LMNTD1: variants seen among roughly 807,000 people sequenced by gnomAD.
LMNTD1 encodes lamin tail domain containing 1, also known as lamin tail domain-containing protein 1.
LMNTD1 carries 35 observed loss-of-function variants against 50.9 expected under a neutral mutation model. That is an observed-to-expected ratio of 0.69 (90% confidence interval 0.53 to 0.91). The LOEUF (loss-of-function observed/expected upper bound fraction) is 0.91. Ranked by LOEUF, LMNTD1 falls within the 40% of genes least tolerant of loss-of-function variation. The pLI is 0.00. For missense variants in LMNTD1, 470 were observed against 475.5 expected (o/e 0.99, Z 0.11); for synonymous variants, 153 against 161.9 (o/e 0.94, Z 0.42).
At chr12:25,548,450 G>T (rs1303836588) in intron 3 of LMNTD1, among the ~76,000 whole-genome samples, 1 of 151,824 alleles carries the variant, frequency 6.6e-6, no homozygotes, top group Non-Finnish European at 1.5e-5. Flanking sequence ...TATTTTAAAA[G>T]AAGGTGCTTA....
intron 9 of LMNTD1, among the ~76,000 whole-genome samples, chr12:25,495,283 T>TGTGTGTGTG: frequency 1.3e-5 from 2 of 150,398 alleles, no homozygotes; most frequent in African/African-American, 2.5e-5. Context: ...TGTGTGTGTG[T>TGTGTGTGTG]AGGCAGGATA....
intron 1 of LMNTD1, among the ~76,000 whole-genome samples, chr12:25,618,425 T>C (rs771982925): frequency 6.6e-6 from 1 of 152,214 alleles, no homozygotes. Context: ...ATAGAAGAAT[T>C]TGATACTTGC....
chr12:25,498,352 AC>A (rs915689477), intron 9 of LMNTD1, among the ~76,000 whole-genome samples: 3 of 152,188 alleles, frequency 2.0e-5, no homozygotes, highest in Admixed American at 6.5e-5. Flanking sequence ...GAAAGGTGAG[AC>A]TTTTTTGGCA....
At chr12:25,531,260 A>G (rs146476869) in intron 4 of LMNTD1, among the ~76,000 whole-genome samples, 1 of 152,222 alleles carries the variant, frequency 6.6e-6, no homozygotes, top group African/African-American at 2.4e-5. Context: ...GGCCTAGAGA[A>G]CTATGTGTTA....
intron 1 of LMNTD1, among the ~76,000 whole-genome samples, chr12:25,618,153 G>T (rs1172945684): frequency 6.6e-6 from 1 of 152,064 alleles, no homozygotes; most frequent in African/African-American, 2.4e-5. Flanking sequence ...GTCTCTCTGT[G>T]GTTGTATGTG....
intron 1 of LMNTD1, among the ~76,000 whole-genome samples, chr12:25,611,917 T>C (rs1192227899): frequency 6.6e-6 from 1 of 152,232 alleles, no homozygotes; most frequent in African/African-American, 2.4e-5. Context: ...ACATTTCCTC[T>C]TTGGTTGCTT....
At chr12:25,538,898 A>T (rs1404708062) in intron 4 of LMNTD1, among the ~76,000 whole-genome samples, 1 of 138,734 alleles carries the variant, frequency 7.2e-6, no homozygotes, top group East Asian at 2.2e-4. Context: ...GCAAATGGAA[A>T]ACAAAAAAAG....
chr12:25,619,252 C>CTCTCTCTATATATATATATATATATA (rs1374134268), intron 1 of LMNTD1, among the ~76,000 whole-genome samples: 14 of 84,408 alleles, frequency 1.7e-4, no homozygotes, highest in East Asian at 4.2e-4. Context: ...CTCTCTCTCT[C>CTCTCTCTATATATATATATATATATA]TATATATATA....
chr12:25,539,415 G>C (rs924747670), intron 4 of LMNTD1, among the ~76,000 whole-genome samples: 1 of 151,650 alleles, frequency 6.6e-6, no homozygotes, highest in Admixed American at 6.6e-5. Context: ...TCAGGATTAA[G>C]AATCTCACTC....
At chr12:25,612,290 T>TCACACA (rs71705893) in intron 1 of LMNTD1, among the ~76,000 whole-genome samples, 95 of 107,250 alleles carry the variant, frequency 8.9e-4, no homozygotes, top group Admixed American at 2.1e-3. Flanking sequence ...CTAAGGTCCC[T>TCACACA]CACACACACA....
At chr12:25,540,990 A>T (rs1943027553) in intron 4 of LMNTD1, among the ~76,000 whole-genome samples, 1 of 135,214 alleles carries the variant, frequency 7.4e-6, no homozygotes, top group Non-Finnish European at 1.6e-5. Context: ...CTTCAAAGAG[A>T]ATAAAATACC....
chr12:25,639,401 A>G (rs180873786), intron 1 of LMNTD1, among the ~76,000 whole-genome samples: 10 of 152,326 alleles, frequency 6.6e-5, no homozygotes, highest in African/African-American at 2.2e-4. Flanking sequence ...TAAAGAAAAT[A>G]TTTCCAAAGC....
At chr12:25,631,892 C>T (rs749944043) in intron 1 of LMNTD1, among the ~76,000 whole-genome samples, 2 of 151,774 alleles carry the variant, frequency 1.3e-5, no homozygotes, top group Non-Finnish European at 2.9e-5. Context: ...CTAAGGAAAC[C>T]CCAAAAAAGA....
At chr12:25,619,252 C>CTCTCTATATATATATATATATATA (rs1374134268) in intron 1 of LMNTD1, among the ~76,000 whole-genome samples, 27 of 84,414 alleles carry the variant, frequency 3.2e-4, no homozygotes, top group Non-Finnish European at 5.7e-4. Flanking sequence ...CTCTCTCTCT[C>CTCTCTATATATATATATATATATA]TATATATATA....
intron 1 of LMNTD1, among the ~76,000 whole-genome samples, chr12:25,604,020 C>T (rs1223535560): frequency 1.3e-5 from 2 of 151,976 alleles, no homozygotes; most frequent in Non-Finnish European, 2.9e-5. Context: ...AACAAGCAAA[C>T]AAACAAAAAG....
intron 1 of LMNTD1, among the ~76,000 whole-genome samples, chr12:25,623,165 C>T (rs1395192239): frequency 6.6e-6 from 1 of 151,972 alleles, no homozygotes. Flanking sequence ...CCTGTCAGAG[C>T]TCAATAAACC....
At chr12:25,491,577 A>G (rs535329081) in intron 9 of LMNTD1, among the ~76,000 whole-genome samples, 4 of 152,376 alleles carry the variant, frequency 2.6e-5, no homozygotes, top group African/African-American at 7.2e-5. Flanking sequence ...ACCAAGTAAC[A>G]AATTCTCTCT....
chr12:25,512,852 A>G (rs1565953893), intron 8 of LMNTD1, among the ~76,000 whole-genome samples: 2 of 137,908 alleles, frequency 1.5e-5, no homozygotes, highest in Admixed American at 1.5e-4. Context: ...TCTACTCACA[A>G]TTTTTTTTTT....
At chr12:25,572,394 G>T (rs1309568413) in intron 1 of LMNTD1, among the ~76,000 whole-genome samples, 3 of 152,134 alleles carry the variant, frequency 2.0e-5, no homozygotes, top group East Asian at 3.8e-4. Flanking sequence ...TGATTTGATG[G>T]CATACAAGAA....
Sources: allele counts gnomAD v4.1 joint callset (sites outside exome capture counted in the v4.1 genomes callset), GRCh38; gene constraint gnomAD v4.1.1; transcripts MANE v1.5; gene names NCBI Gene and HGNC (gene_info 2026-07-23, HGNC 2026-07-21).